The following PARL variants were observed in gnomAD, a reference collection of about 807,000 sequenced individuals.
The protein encoded by PARL is presenilin-associated rhomboid-like protein, mitochondrial.
In PARL, 44 loss-of-function variants were observed where a neutral mutation model predicts 51.6. The ratio of observed to expected loss-of-function variants is 0.85; its 90% CI spans 0.67 to 1.10. The LOEUF (loss-of-function observed/expected upper bound fraction) is 1.10. PARL is among the 50% of genes least tolerant of loss of function. The pLI is 0.00. For missense variants in PARL, 441 were observed against 469.5 expected, an observed-to-expected ratio of 0.94 and a Z score of 0.56; for synonymous variants, 172 against 164.0, an observed-to-expected ratio of 1.05 and a Z score of -0.37.
chr3:183,859,426 C>T (rs540591889), intron 4 of PARL, among the ~76,000 whole-genome samples: 1 of 152,188 alleles, frequency 6.6e-6, no homozygotes, highest in African/African-American at 2.4e-5. Context: ...CAACCTCTGC[C>T]TCCCAAGTTC....
chr3:183,827,160 T>C (rs1727471860), downstream of PARL, among the ~76,000 whole-genome samples: 1 of 151,876 alleles, frequency 6.6e-6, no homozygotes, highest in South Asian at 2.1e-4. Context: ...GAATTTTAGC[T>C]TTTCATATGG....
At chr3:183,854,127 C>T (rs1730864155) in intron 4 of PARL, among the ~76,000 whole-genome samples, 1 of 152,096 alleles carries the variant, frequency 6.6e-6, no homozygotes. Context: ...CACCTGTAGT[C>T]CCAGCCACTC....
chr3:183,855,967 CAAACAAAAA>C (rs1731104393), intron 4 of PARL, among the ~76,000 whole-genome samples: 1 of 124,256 alleles, frequency 8.0e-6, no homozygotes, highest in South Asian at 2.5e-4. Context: ...AAAAAATAAA[CAAACAAAAA>C]AAAAAACAAA....
rs1438517888 is a variant in PARL at position 183,866,618 on chromosome 3, T to A, written c.462+7A>T. 6.2e-7 allele frequency: 1 copy of A among 1,610,170 alleles called. No homozygotes were observed. The highest frequency in any genetic ancestry group is 8.5e-7 in the Non-Finnish European group (1 of 1,178,318). On this transcript the variant is annotated splice_region_variant and intron_variant, in intron 3 of 9. Coordinates refer to ENST00000317096, the MANE Select transcript of PARL (RefSeq NM_018622.7). ...ACTAGAAGAAAGAAAGCAGTGTTTA[T>A]CTTTACCTCCTTTCTGAAGTCTCCT...
At chr3:183,854,267 G>A (rs71318346) in intron 4 of PARL, among the ~76,000 whole-genome samples, 7,542 of 152,050 alleles carry the variant, frequency 0.05, 222 homozygotes, top group East Asian at 0.081. Context: ...ATGCATGGTC[G>A]GTCTCAAAGA....
At chr3:183,855,707 G>A (rs759787210) in intron 4 of PARL, among the ~76,000 whole-genome samples, 2 of 152,112 alleles carry the variant, frequency 1.3e-5, no homozygotes, top group Non-Finnish European at 2.9e-5. Flanking sequence ...TATGATGGGA[G>A]ACAGTAACAG....
At chr3:183,856,005 G>A (rs965722976) in intron 4 of PARL, among the ~76,000 whole-genome samples, 41 of 150,916 alleles carry the variant, frequency 2.7e-4, no homozygotes, top group Non-Finnish European at 4.7e-4. Context: ...CACAAACAAA[G>A]TTTCACTTGT....
intron 1 of PARL, among the ~76,000 whole-genome samples, chr3:183,872,220 G>A (rs151146303): frequency 7.9e-5 from 12 of 151,994 alleles, no homozygotes; most frequent in African/African-American, 2.4e-4. Context: ...CAGGCTGGTC[G>A]CGAACTCCTG....
intron 8 of PARL, 49 bp from the exon 9 acceptor site, chr3:183,833,638 T>G: frequency 6.7e-7 from 1 of 1,497,898 alleles, no homozygotes; most frequent in Non-Finnish European, 9.3e-7. Context: ...GCTCCAGCAC[T>G]GACATTTCTA....
chr3:183,879,674 AT>A, intron 1 of PARL: 1 of 836,122 alleles, frequency 1.2e-6, no homozygotes, highest in Non-Finnish European at 1.4e-6. Flanking sequence ...TACATATTAT[AT>A]AAGGTACATT....
downstream of PARL, chr3:183,829,144 T>C (rs1204814793): frequency 5.6e-6 from 1 of 178,410 alleles, no homozygotes; most frequent in Non-Finnish European, 1.2e-5. Context: ...ACTGCAGCTG[T>C]TATTTCAGAT....
In PARL at chr3:183,837,404, G is replaced by A. The variant is rs117244831; in HGVS notation, c.828+3166C>T. The stretch of plus-strand genomic sequence containing the variant: ...TTTAGAGAAACGGGTGCCCAGCAAA[G>A]GCTGAGCAGAGCCTAGACTCCCACC... On this transcript the variant is annotated intron_variant, in intron 7 of 9. Coordinates refer to ENST00000317096, the MANE Select transcript of PARL (RefSeq NM_018622.7). Among the ~76,000 whole-genome samples the A allele has an allele frequency of 8.5e-4, 130 of 152,356 alleles. 3 individuals carry two copies. In the East Asian group the frequency reaches 0.024, roughly 28 times the overall value.
chr3:183,871,019 C>A (rs1733126796), intron 1 of PARL, among the ~76,000 whole-genome samples: 1 of 152,008 alleles, frequency 6.6e-6, no homozygotes, highest in South Asian at 2.1e-4. Flanking sequence ...CCACTACTGC[C>A]CACGCCCCCA....
chr3:183,835,633 G>A (rs1183057191), intron 7 of PARL, among the ~76,000 whole-genome samples: 1 of 152,156 alleles, frequency 6.6e-6, no homozygotes, highest in Non-Finnish European at 1.5e-5. Context: ...CTGAGGGGCC[G>A]AGGCAGGTGG....
chr3:183,838,409 T>G (rs1319216218), intron 7 of PARL, among the ~76,000 whole-genome samples: 1 of 152,138 alleles, frequency 6.6e-6, no homozygotes, highest in Non-Finnish European at 1.5e-5. Context: ...GTTAATGGTG[T>G]TTTTTTCCCA....
chr3:183,872,882 G>T (rs983348052), intron 1 of PARL, among the ~76,000 whole-genome samples: 1 of 152,134 alleles, frequency 6.6e-6, no homozygotes, highest in Non-Finnish European at 1.5e-5. Flanking sequence ...CCAAGAGAAA[G>T]GCCAAGGGAT....
intron 4 of PARL, among the ~76,000 whole-genome samples, chr3:183,860,119 G>A (rs945948540): frequency 1.3e-5 from 2 of 151,168 alleles, no homozygotes; most frequent in Non-Finnish European, 2.9e-5. Context: ...GGACGGAGTA[G>A]ACCTGTCACC....
chr3:183,854,436 T>C (rs1459106117), intron 4 of PARL, among the ~76,000 whole-genome samples: 1 of 152,116 alleles, frequency 6.6e-6, no homozygotes, highest in African/African-American at 2.4e-5. Context: ...TACTGTCACG[T>C]GCTCCAACAT....
rs147772011 is a variant in PARL, at chr3:183,844,209, A to C, written c.607+22T>G. ...TTCATATTATTTCTACCTTAAAATA[A>C]ATTCACACAAGTTAGACTTACTTGA... is the stretch of plus-strand genomic sequence containing the variant. On this transcript the variant is annotated intron_variant, in intron 5 of 9. Coordinates refer to ENST00000317096, the MANE Select transcript of PARL (RefSeq NM_018622.7). 4.9e-6 allele frequency: 7 copies of C among 1,435,756 alleles called. No homozygotes were observed. The Admixed American group carries it at 8.4e-5, about 17-fold the overall frequency. 88.9% of individuals were successfully genotyped at this position (1,435,756 alleles called of 1,614,324 possible).
Sources: allele counts gnomAD v4.1 joint callset (sites outside exome capture counted in the v4.1 genomes callset), GRCh38; gene constraint gnomAD v4.1.1; transcripts MANE v1.5; gene names NCBI Gene and HGNC (gene_info 2026-07-23, HGNC 2026-07-21).